CCNYL1: variants seen among roughly 807,000 people sequenced by gnomAD.
The protein encoded by CCNYL1 is cyclin Y like 1.
In CCNYL1, 16 loss-of-function variants were observed where a neutral mutation model predicts 44.2. The ratio of observed to expected loss-of-function variants is 0.36; its 90% CI spans 0.25 to 0.55. The LOEUF (loss-of-function observed/expected upper bound fraction) is 0.55. Among genes scored for constraint, CCNYL1 ranks in the 20% least tolerant of loss-of-function variants. The pLI is 0.85. For synonymous variants in CCNYL1, 159 were observed against 163.2 expected (o/e 0.97, Z 0.20); for missense variants, 348 against 451.8 (o/e 0.77, Z 2.08).
At chr2:207,732,443 C>T (rs532730570) in intron 3 of CCNYL1, among the ~76,000 whole-genome samples, 1 of 152,208 alleles carries the variant, frequency 6.6e-6, no homozygotes, top group Non-Finnish European at 1.5e-5. Context: ...TGGCTACTGG[C>T]GATTTTTTAA....
At chr2:207,715,617 C>A (rs193284768) in intron 1 of CCNYL1, among the ~76,000 whole-genome samples, 1 of 149,408 alleles carries the variant, frequency 6.7e-6, no homozygotes, top group South Asian at 2.1e-4. Flanking sequence ...TGACCTCAAG[C>A]GATCCAGCTG....
chr2:207,724,820 C>G lies in CCNYL1; in HGVS notation c.241C>G (p.Pro81Ala), dbSNP rs1299934210. ...TATAGATTTAGCTTTGGAGTCAAAC[C>G]CTTCTGACCATCCAAGGGCAAGCAC... ...MPEDLALESN[P>A]SDHPRASTIF... is the part of the protein sequence containing the mutation. Residue 81 changes from proline to alanine, a missense_variant, in exon 2 of 10, where the codon CCT becomes GCT. Physicochemically the swap from Pro to Ala is conservative, Grantham distance 27. Coordinates refer to ENST00000295414, the MANE Select transcript of CCNYL1 (RefSeq NM_001330218.2). 3 of 1,613,424 alleles carry G rather than the reference C, an allele frequency of 1.9e-6. No individual in the cohort carries two copies. Among genetic ancestry groups the G allele is most frequent in the Non-Finnish European group, 2.5e-6 (3 of 1,179,714 alleles).
intron 3 of CCNYL1, among the ~76,000 whole-genome samples, chr2:207,728,109 G>A (rs1011989293): frequency 2.0e-5 from 3 of 151,780 alleles, no homozygotes; most frequent in Non-Finnish European, 2.9e-5. Context: ...TATTACAGGC[G>A]CCTGCCACCA....
In CCNYL1 at chr2:207,753,647, C is replaced by G. The variant is rs779404615; in HGVS notation, c.1029C>G (p.Phe343Leu). The change falls in exon 10 of 10, where the codon TTC (phenylalanine) becomes TTG (leucine). Residue 343 changes from phenylalanine to leucine, a missense_variant. Physicochemically the swap from Phe to Leu is conservative, Grantham distance 22. This residue lies in a region of CCNYL1 where 94 missense variants were observed against 102.4 expected (regional missense o/e 0.92). Coordinates refer to ENST00000295414, the MANE Select transcript of CCNYL1 (RefSeq NM_001330218.2). ...GTAGAGCCGCTATGAGAAGGTCTTT[C>G]AGTGCTGATAACTTCATTGGTATTC... ...DLCRAAMRRS[F>L]SADNFIGIQR... is the part of the protein sequence containing the mutation. 1.2e-5 allele frequency: 20 copies of G among 1,612,244 alleles called. No individual in the cohort carries two copies. The highest frequency in any genetic ancestry group is 1.7e-5 in the Non-Finnish European group (20 of 1,179,106).
intron 3 of CCNYL1, among the ~76,000 whole-genome samples, chr2:207,730,495 C>T (rs980204438): frequency 3.9e-5 from 6 of 152,152 alleles, no homozygotes; most frequent in African/African-American, 1.2e-4. Flanking sequence ...CGGTGGCTCA[C>T]GCCTGTAATC....
At chr2:207,716,802 A>C (rs1256816804) in intron 1 of CCNYL1, among the ~76,000 whole-genome samples, 1 of 152,132 alleles carries the variant, frequency 6.6e-6, no homozygotes, top group Non-Finnish European at 1.5e-5. Flanking sequence ...TGTAGTTAAG[A>C]TATTTTAGTA....
At chr2:207,716,372 T>C (rs2091595864) in intron 1 of CCNYL1, among the ~76,000 whole-genome samples, 1 of 151,520 alleles carries the variant, frequency 6.6e-6, no homozygotes, top group Non-Finnish European at 1.5e-5. Context: ...TTGAATAATA[T>C]GTTTGATGTA....
At chr2:207,750,292 A>C (rs757682852) in intron 8 of CCNYL1, among the ~76,000 whole-genome samples, 1 of 152,154 alleles carries the variant, frequency 6.6e-6, no homozygotes, top group Non-Finnish European at 1.5e-5. Flanking sequence ...CATAGTGACA[A>C]TTTCTCACCT....
chr2:207,716,337 CTCT>C (rs1485047822), intron 1 of CCNYL1, among the ~76,000 whole-genome samples: 2 of 131,210 alleles, frequency 1.5e-5, no homozygotes, highest in African/African-American at 5.5e-5. Flanking sequence ...TTTAAGCCCT[CTCT>C]TTTTTTTTTT....
intron 1 of CCNYL1, among the ~76,000 whole-genome samples, chr2:207,724,205 T>C (rs1485853692): frequency 6.6e-6 from 1 of 152,202 alleles, no homozygotes; most frequent in Non-Finnish European, 1.5e-5. Flanking sequence ...TTTTCTAACA[T>C]GTTTCTGTAT....
chr2:207,731,231 T>TATA (rs907435390), intron 3 of CCNYL1, among the ~76,000 whole-genome samples: 10 of 152,272 alleles, frequency 6.6e-5, no homozygotes, highest in African/African-American at 2.4e-4. Flanking sequence ...TTAAATGGGT[T>TATA]AAAATTAGAG....
intron 5 of CCNYL1, 93 bp downstream of exon 5, chr2:207,737,539 C>A: frequency 1.0e-6 from 1 of 969,876 alleles, no homozygotes; most frequent in Non-Finnish European, 1.6e-6. Context: ...ACATCATAAG[C>A]TATAGATTGC....
rs958175974 is a variant in CCNYL1, at chr2:207,755,911, A to C, written c.*2213A>C. 6.6e-6 allele frequency: 1 copy of C among 151,716 alleles called. No individual in the cohort carries two copies. Among genetic ancestry groups the C allele is most frequent in the African/African-American group, 2.4e-5 (1 of 40,982 alleles). The allele number at this position is 151,716 out of a possible 1,614,324, so 9.4% of individuals were successfully genotyped here. On this transcript the variant is annotated 3_prime_UTR_variant, in exon 10 of 10. Transcript: ENST00000295414. ...ATAAACAAAGCATTTCTGGGACAGG[A>C]GTACTTCCTCTATTATAGCAATGCT...
At chr2:207,744,530 A>AT (rs57198526) in intron 7 of CCNYL1, among the ~76,000 whole-genome samples, 24,690 of 137,328 alleles carry the variant, frequency 0.18, 3,828 homozygotes, top group African/African-American at 0.4. Flanking sequence ...ACCACGCCTA[A>AT]TTTTTTTTTT....
intron 1 of CCNYL1, among the ~76,000 whole-genome samples, chr2:207,715,383 T>C (rs1401154118): frequency 7.0e-6 from 1 of 142,384 alleles, no homozygotes; most frequent in Admixed American, 7.0e-5. Flanking sequence ...CTATTTCTTT[T>C]TTTTTTTTTT....
intron 9 of CCNYL1, 62 bp downstream of exon 9, chr2:207,751,181 T>C (rs2091887837): frequency 7.1e-7 from 1 of 1,408,512 alleles, no homozygotes. Flanking sequence ...CATCTGTGAC[T>C]AAATCATATT....
intron 5 of CCNYL1, 42 bp downstream of exon 5, chr2:207,737,488 C>G (rs1414893725): frequency 5.3e-6 from 8 of 1,515,620 alleles, no homozygotes; most frequent in Non-Finnish European, 7.3e-6. Flanking sequence ...CAGCTAATTA[C>G]TTTGCATGAT....
chr2:207,751,141 G>C, intron 9 of CCNYL1, 22 bp downstream of exon 9: 1 of 1,599,020 alleles, frequency 6.3e-7, no homozygotes, highest in Non-Finnish European at 8.5e-7. Flanking sequence ...AAGTCACTAA[G>C]TGAGGTTTTC....
chr2:207,749,022 C>G (rs56290035), intron 8 of CCNYL1, among the ~76,000 whole-genome samples: 14,957 of 152,188 alleles, frequency 0.098, 1,242 homozygotes, highest in East Asian at 0.38. Context: ...CTAAAATGTT[C>G]TCAAAACCTG....
Sources: gnomAD v4.1 joint callset for allele counts (sites outside exome capture counted in the v4.1 genomes callset) on GRCh38, gnomAD v4.1.1 for gene constraint, gnomAD v4.1.1 regional missense constraint, MANE v1.5 for transcripts, NCBI Gene and HGNC (gene_info 2026-07-23, HGNC 2026-07-21) for gene names.